The following ACY1 variants were observed in gnomAD, a reference collection of about 807,000 sequenced individuals.
The protein encoded by ACY1 is aminoacylase-1.
In ACY1, 38 loss-of-function variants were observed where a neutral mutation model predicts 53.3. That is an observed-to-expected ratio of 0.71 (90% CI 0.55 to 0.93). The LOEUF is 0.93. ACY1 is among the 40% of genes least tolerant of loss of function. ACY1 has a pLI of 0.00. For synonymous variants in ACY1, 177 were observed against 202.1 expected (o/e 0.88, Z 1.05); for missense variants, 484 against 540.9 (o/e 0.89, Z 1.04).
Position 51,989,110 on chromosome 3 carries a change from T to C in ACY1, c.*35T>C, listed in dbSNP as rs1201435150. On this transcript the variant is annotated 3_prime_UTR_variant, in exon 15 of 15. Coordinates refer to ENST00000636358, the MANE Select transcript of ACY1 (RefSeq NM_000666.3). ...CTCCTAAACCTTTGCCCCTGGGGCT[T>C]CCATCCCAACCAGTGCCAAGGACCT... 7 of 1,610,064 alleles carry C rather than the reference T, an allele frequency of 4.3e-6. No homozygotes were observed. The South Asian group carries it at 7.7e-5, about 18-fold the overall frequency.
At position 51,987,156 on chromosome 3, in the gene ACY1, G is replaced by T; in HGVS notation, c.667G>T (p.Val223Leu). 1.2e-6 allele frequency: 2 copies of T among 1,614,182 alleles called. No homozygotes were observed. The highest frequency in any genetic ancestry group is 1.7e-6 in the Non-Finnish European group (2 of 1,180,026). The change falls in exon 10 of 15, where the codon GTA (valine) becomes TTA (leucine). Residue 223 changes from valine to leucine, a missense_variant. Physicochemically the swap from Val to Leu is conservative, Grantham distance 32 (BLOSUM62 1). Coordinates refer to ENST00000636358, the MANE Select transcript of ACY1 (RefSeq NM_000666.3). Reference protein sequence around the residue: ...DTAAEKLHKVVNSILAFREKE... With the variant: ...DTAAEKLHKVLNSILAFREKE... ...CCTCATATTCTCATAGCACAAGGTT[G>T]TAAACTCCATCCTGGCATTCCGGGA...
chr3:51,988,477 G>C, intron 12 of ACY1, 47 bp from the exon 13 acceptor site: 1 of 1,569,092 alleles, frequency 6.4e-7, no homozygotes, highest in Middle Eastern at 1.7e-4. Context: ...AATAGGGCAA[G>C]ATGCCCAGGC....
chr3:51,989,046 A>C lies in ACY1; in HGVS notation c.1198A>C (p.Ser400Arg). Reference protein sequence around the residue: ...IYTRLLPALASVPALPSDS With the variant: ...IYTRLLPALARVPALPSDS ...TACACGCCTGCTGCCTGCCCTTGCCAGTGTGCCTGCCCTGCCCAGTGACAG... is the reference window on the plus strand; with the variant it reads ...TACACGCCTGCTGCCTGCCCTTGCCCGTGTGCCTGCCCTGCCCAGTGACAG... The change falls in exon 15 of 15, where the codon AGT (serine) becomes CGT (arginine). Residue 400 changes from serine (S) to arginine (R), a missense_variant. Coordinates refer to ENST00000636358, the MANE Select transcript of ACY1 (RefSeq NM_000666.3). 6.2e-7 allele frequency: 1 copy of C among 1,613,954 alleles called. No individual in the cohort carries two copies. The highest frequency in any genetic ancestry group is 2.2e-5 in the East Asian group (1 of 44,882).
chr3:51,986,714 G>A, intron 8 of ACY1, 53 bp downstream of exon 8: 1 of 1,600,324 alleles, frequency 6.2e-7, no homozygotes, highest in Admixed American at 1.7e-5. Context: ...GGCTAGGCCA[G>A]AAAGGGCACG....
At position 51,986,595 on chromosome 3, in the gene ACY1, CCCT is replaced by C. The variant is rs1353787659; in HGVS notation, c.527-5_527-3del. 1 of 1,614,078 alleles carries C rather than the reference CCCT, an allele frequency of 6.2e-7. No homozygotes were observed. Among genetic ancestry groups the C allele is most frequent in the African/African-American group, 1.3e-5 (1 of 74,940 alleles). ...CTGCTCCACCCTCTGAACCCCCTTT[CCCT>C]CCTCAGGCATAGCCAATCCCACTGA... On this transcript the variant is annotated splice_polypyrimidine_tract_variant and splice_region_variant and intron_variant, in intron 7 of 14. Transcript: ENST00000636358.
chr3:51,986,836 G>A (rs1385389334), intron 8 of ACY1, 152 bp from the exon 9 acceptor site: 3 of 1,236,376 alleles, frequency 2.4e-6, no homozygotes, highest in Non-Finnish European at 3.4e-6. Flanking sequence ...GCCCTGAATG[G>A]GCAGAAACCA....
chr3:51,988,819 T>A lies in ACY1; in HGVS notation c.1055T>A (p.Ile352Asn), dbSNP rs1701166265. ...IMPAATDNRY[I>N]RAVGVPALGF... ...CCTGCTGCCACTGACAACCGCTATA[T>A]CCGCGCGGTGAGCCACTTGCATATA... The change falls in exon 14 of 15, where the codon ATC becomes AAC. Residue 352 changes from isoleucine (I) to asparagine (N), a missense_variant. Ile to Asn is a moderately radical substitution (Grantham distance 149). Transcript: ENST00000636358. 1 of 1,613,968 alleles carries A rather than the reference T, an allele frequency of 6.2e-7. No individual in the cohort carries two copies. The highest frequency in any genetic ancestry group is 1.3e-5 in the African/African-American group (1 of 74,860).
rs749204999 is a variant in ACY1, at chr3:51,986,567, G to A, written c.527-38G>A. The A allele has an allele frequency of 5.6e-6, 9 of 1,613,958 alleles. No individual in the cohort carries two copies. The East Asian group carries it at 1.8e-4, about 32-fold the overall frequency. ...GAGTAGGAGGCTGCTAGTGGGGACT[G>A]AGCTGCTCCACCCTCTGAACCCCCT... On this transcript the variant is annotated intron_variant, in intron 7 of 14. Coordinates refer to ENST00000636358, the MANE Select transcript of ACY1 (RefSeq NM_000666.3).
At position 51,985,410 on chromosome 3, in the gene ACY1, C is replaced by T; in HGVS notation, c.209C>T (p.Pro70Leu). The T allele has an allele frequency of 6.2e-7, 1 of 1,614,114 alleles. No individual in the cohort carries two copies. Among genetic ancestry groups the T allele is most frequent in the Non-Finnish European group, 8.5e-7 (1 of 1,180,022 alleles). Residue 70 changes from proline (P) to leucine (L), a missense_variant, in exon 4 of 15, where the codon CCT becomes CTT. Coordinates refer to ENST00000636358, the MANE Select transcript of ACY1 (RefSeq NM_000666.3). ...VTVLTWPGTN[P>L]TLSSILLNSH... ...GTGTTGACCTGGCCAGGCACCAACC[C>T]TACACTCTCCTCCATCTTGCTCAAC...
rs201184882 is a variant in ACY1, at chr3:51,987,066, G to A, written c.657+5G>A. ...GACACAGCAGCAGAGAAGCTGGTAC[G>A]TGGCACCCCAGGAGGGAGTCTGGGA... On this transcript the variant is annotated splice_donor_5th_base_variant and intron_variant, in intron 9 of 14. Coordinates refer to ENST00000636358, the MANE Select transcript of ACY1 (RefSeq NM_000666.3). The A allele has an allele frequency of 2.1e-5, 34 of 1,614,004 alleles. No individual in the cohort carries two copies. Among genetic ancestry groups the A allele is most frequent in the South Asian group, 1.8e-4 (16 of 91,080 alleles).
At chr3:51,984,251 C>A in intron 2 of ACY1, 93 bp downstream of exon 2, 2 of 1,186,576 alleles carry the variant, frequency 1.7e-6, no homozygotes, top group Non-Finnish European at 2.4e-6. Flanking sequence ...CCCAGCTGAG[C>A]CCCACTCTGC....
chr3:51,985,074 C>A, intron 2 of ACY1, 133 bp from the exon 3 acceptor site: 1 of 881,876 alleles, frequency 1.1e-6, no homozygotes, highest in Non-Finnish European at 1.8e-6. Flanking sequence ...GAAATGCAAG[C>A]ATCTCTGAGG....
intron 2 of ACY1, chr3:51,984,814 CAAAAAAAA>C (rs34294622): frequency 5.8e-5 from 7 of 120,128 alleles, no homozygotes; most frequent in South Asian, 2.8e-4. Context: ...GACCCTGTCT[CAAAAAAAA>C]AAAAAAAAAA....
intron 12 of ACY1, 89 bp from the exon 13 acceptor site, chr3:51,988,435 G>C: frequency 8.3e-7 from 1 of 1,201,078 alleles, no homozygotes; most frequent in Non-Finnish European, 1.2e-6. Flanking sequence ...GTGGGGAGGT[G>C]TTATGTACTA....
Position 51,985,418 on chromosome 3 carries a change from T to C in ACY1, c.217T>C (p.Ser73Pro). The change falls in exon 4 of 15, where the codon TCC becomes CCC. Residue 73 changes from serine (S) to proline (P), a missense_variant. Transcript: ENST00000636358. ...CTGGCCAGGCACCAACCCTACACTC[T>C]CCTCCATCTTGCTCAACTCCCACAC... is the stretch of plus-strand genomic sequence containing the variant. ...LTWPGTNPTLSSILLNSHTDV... is the reference protein window; with the variant it reads ...LTWPGTNPTLPSILLNSHTDV... 6 of 1,614,024 alleles carry C rather than the reference T, an allele frequency of 3.7e-6. No individual in the cohort carries two copies. Among genetic ancestry groups the C allele is most frequent in the Non-Finnish European group, 5.1e-6 (6 of 1,180,008 alleles).
chr3:51,987,079 A>G lies in ACY1; in HGVS notation c.657+18A>G. 6.2e-7 allele frequency: 1 copy of G among 1,614,044 alleles called. No individual in the cohort carries two copies. The highest frequency in any genetic ancestry group is 1.1e-5 in the South Asian group (1 of 91,084). On this transcript the variant is annotated intron_variant, in intron 9 of 14. Coordinates refer to ENST00000636358, the MANE Select transcript of ACY1 (RefSeq NM_000666.3). ...AGAAGCTGGTACGTGGCACCCCAGGAGGGAGTCTGGGAGTTCAGGAGGCTC... is the reference window on the plus strand; with the variant it reads ...AGAAGCTGGTACGTGGCACCCCAGGGGGGAGTCTGGGAGTTCAGGAGGCTC...
intron 2 of ACY1, chr3:51,985,003 TC>T (rs1377223462): frequency 4.8e-6 from 3 of 630,294 alleles, no homozygotes; most frequent in Non-Finnish European, 8.6e-6. Context: ...TGTCCAGACA[TC>T]CCCCTGGACT....
chr3:51,988,921 C>T lies in ACY1; in HGVS notation c.1073C>T (p.Pro358Leu). The change falls in exon 15 of 15, where the codon CCA (proline) becomes CTA (leucine). Residue 358 changes from proline (P) to leucine (L), a missense_variant. Transcript: ENST00000636358. ...DNRYIRAVGVPALGFSPMNRT... is the reference protein window; with the variant it reads ...DNRYIRAVGVLALGFSPMNRT... ...TCCTCACCCCTGCAGGTGGGGGTCC[C>T]AGCTCTAGGCTTCTCACCCATGAAC... is the stretch of plus-strand genomic sequence containing the variant. The T allele has an allele frequency of 3.1e-6, 5 of 1,614,218 alleles. No homozygotes were observed. Among genetic ancestry groups the T allele is most frequent in the Non-Finnish European group, 4.2e-6 (5 of 1,180,036 alleles).
At chr3:51,987,266 C>T (rs1292264325) in intron 10 of ACY1, 43 bp from the exon 11 acceptor site, 24 of 1,613,946 alleles carry the variant, frequency 1.5e-5, no homozygotes, top group Non-Finnish European at 1.9e-5. Flanking sequence ...TCTGAGCCAC[C>T]TCTTTTATCT....
Sources: gnomAD v4.1 joint callset for allele counts on GRCh38, gnomAD v4.1.1 for gene constraint, MANE v1.5 for transcripts, NCBI Gene and HGNC (gene_info 2026-07-23, HGNC 2026-07-21) for gene names.